The following ROBO1 variants were observed in gnomAD, a reference collection of about 807,000 sequenced individuals.
ROBO1 encodes the protein roundabout guidance receptor 1.
A neutral mutation model predicts 195.9 loss-of-function variants in ROBO1; 149 were observed. That is an observed-to-expected ratio of 0.76 (90% CI 0.67 to 0.87). The LOEUF (loss-of-function observed/expected upper bound fraction) is 0.87. Ranked by LOEUF, ROBO1 falls within the 40% of genes least tolerant of loss-of-function variation. The probability of loss-of-function intolerance (pLI) is 0.00; values close to 1 mark genes in which losing one functional copy is unlikely to be tolerated. For synonymous variants in ROBO1, 816 were observed against 733.2 expected (o/e 1.11, Z -1.82); for missense variants, 1,933 against 2,068.3 (o/e 0.93, Z 1.27).
chr3:79,675,557 G>A (rs1366015442), intron 1 of ROBO1, among the ~76,000 whole-genome samples: 1 of 152,026 alleles, frequency 6.6e-6, no homozygotes, highest in Admixed American at 6.6e-5. Context: ...CAGGTAGCTG[G>A]AGGGTAAAGA....
chr3:78,895,365 T>C (rs559605890), intron 4 of ROBO1, among the ~76,000 whole-genome samples: 3 of 152,324 alleles, frequency 2.0e-5, no homozygotes, highest in African/African-American at 4.8e-5. Flanking sequence ...GAGCAGGTTG[T>C]AATCAATTTT....
intron 1 of ROBO1, among the ~76,000 whole-genome samples, chr3:79,744,790 A>G (rs1703798449): frequency 6.6e-6 from 1 of 152,162 alleles, no homozygotes; most frequent in Non-Finnish European, 1.5e-5. Flanking sequence ...AATACTAACA[A>G]AGAGCCCCTT....
rs373728018 is a variant in ROBO1, at chr3:79,159,092, G to T, written c.89-33553C>A. ...GCATTATTGTGAAAGACAAAGTAGG[G>T]TATCTGCAAAAATACTTGATTTAGC... On this transcript the variant is annotated intron_variant, in intron 2 of 30. Transcript: ENST00000464233. Among the ~76,000 whole-genome samples, 17 of 152,006 alleles carry T rather than the reference G, an allele frequency of 1.1e-4. No homozygotes were observed. In the East Asian group the frequency reaches 2.1e-3, roughly 19 times the overall value.
Position 79,012,942 on chromosome 3 carries a change from T to C in ROBO1, c.173-74015A>G, listed in dbSNP as rs113356432. ...GAAAGGAAATCATGCTAATCAAGAA[T>C]TGTAAAGAATGGAGGTAGCCTTTTG... On this transcript the variant is annotated intron_variant, in intron 3 of 30. Coordinates refer to ENST00000464233, the MANE Select transcript of ROBO1 (RefSeq NM_002941.4). Among the ~76,000 whole-genome samples, 12 of 152,124 alleles carry C rather than the reference T, an allele frequency of 7.9e-5. 1 individual carries two copies. The highest frequency in any genetic ancestry group is 2.9e-4 in the African/African-American group (12 of 41,494).
intron 4 of ROBO1, among the ~76,000 whole-genome samples, chr3:78,827,993 TGAAA>T (rs1269968578): frequency 2.6e-5 from 4 of 152,222 alleles, no homozygotes; most frequent in African/African-American, 7.2e-5. Flanking sequence ...CAAATGATGC[TGAAA>T]GACTCAATTT....
intron 4 of ROBO1, among the ~76,000 whole-genome samples, chr3:78,883,637 G>A (rs2036317814): frequency 6.6e-6 from 1 of 152,092 alleles, no homozygotes; most frequent in Non-Finnish European, 1.5e-5. Flanking sequence ...TGAGATTATA[G>A]GCATGAGCTA....
chr3:78,943,227 A>T (rs959877524), intron 3 of ROBO1, among the ~76,000 whole-genome samples: 1 of 152,158 alleles, frequency 6.6e-6, no homozygotes, highest in Non-Finnish European at 1.5e-5. Context: ...AAAAAAACAA[A>T]GAAAGGTTTT....
At chr3:79,119,455 T>C (rs982093516) in intron 3 of ROBO1, among the ~76,000 whole-genome samples, 19 of 152,144 alleles carry the variant, frequency 1.2e-4, no homozygotes, top group Admixed American at 1.2e-3. Flanking sequence ...TCTGTCTCAT[T>C]TGCTTGCTTG....
intron 3 of ROBO1, among the ~76,000 whole-genome samples, chr3:79,051,668 C>T (rs138842831): frequency 1.0e-3 from 152 of 151,948 alleles, no homozygotes; most frequent in Middle Eastern, 3.4e-3. Context: ...TAAAATGTTG[C>T]GGGAAGTCAG....
chr3:79,722,408 C>T (rs754218990), intron 1 of ROBO1, among the ~76,000 whole-genome samples: 1 of 152,134 alleles, frequency 6.6e-6, no homozygotes, highest in African/African-American at 2.4e-5. Flanking sequence ...ATGCCTTGTA[C>T]CCAAAAAAAG....
chr3:79,552,597 T>C (rs1942563841), intron 2 of ROBO1, among the ~76,000 whole-genome samples: 1 of 152,144 alleles, frequency 6.6e-6, no homozygotes, highest in Non-Finnish European at 1.5e-5. Flanking sequence ...TATAACCATG[T>C]GGAAACACTT....
intron 1 of ROBO1, among the ~76,000 whole-genome samples, chr3:79,655,150 C>T (rs1946122932): frequency 6.6e-6 from 1 of 151,952 alleles, no homozygotes; most frequent in Admixed American, 6.6e-5. Context: ...TGAATAAGTA[C>T]ACTTTAACAC....
At chr3:78,635,618 CTT>C (rs1057270815) in intron 23 of ROBO1, among the ~76,000 whole-genome samples, 153 bp downstream of exon 23, 3 of 152,108 alleles carry the variant, frequency 2.0e-5, no homozygotes, top group Non-Finnish European at 2.9e-5. Context: ...CTAATTAACT[CTT>C]TGACACTGGA....
chr3:79,576,244 G>T (rs7431291), intron 2 of ROBO1, among the ~76,000 whole-genome samples: 91,362 of 151,628 alleles, frequency 0.6, 29,987 homozygotes, highest in African/African-American at 0.89. Flanking sequence ...GCCATGATGT[G>T]TTTTCTTTTA....
At position 78,668,287 on chromosome 3, in the gene ROBO1, A is replaced by T. The variant is rs1444608977; in HGVS notation, c.1646T>A (p.Val549Asp). 6.2e-7 allele frequency: 1 copy of T among 1,613,016 alleles called. No individual in the cohort carries two copies. Residue 549 changes from valine to aspartate, a missense_variant, in exon 13 of 31, where the codon GTT (valine) becomes GAT (aspartate). By Grantham distance (152) the Val-to-Asp change is radical (BLOSUM62 -3). Transcript: ENST00000464233. ...TGGGTCAGTAGGTCTTGGAGGCTGAACTGGAACTCCAAATTCTAAAAAGCA... is the reference window on the plus strand; with the variant it reads ...TGGGTCAGTAGGTCTTGGAGGCTGATCTGGAACTCCAAATTCTAAAAAGCA... ...YIEVQEFGVP[V>D]QPPRPTDPNL...
At chr3:79,283,416 C>T (rs2031658048) in intron 2 of ROBO1, among the ~76,000 whole-genome samples, 1 of 152,172 alleles carries the variant, frequency 6.6e-6, no homozygotes, top group South Asian at 2.1e-4. Flanking sequence ...TTCAATGGGT[C>T]TCAAGAATTT....
intron 2 of ROBO1, among the ~76,000 whole-genome samples, chr3:79,528,087 T>C (rs1941508606): frequency 9.6e-6 from 1 of 103,856 alleles, no homozygotes; most frequent in Admixed American, 9.2e-5. Context: ...TATATGGCTC[T>C]TTTCATCACC....
chr3:79,051,969 C>T (rs774567014), intron 3 of ROBO1, among the ~76,000 whole-genome samples: 12 of 152,122 alleles, frequency 7.9e-5, no homozygotes, highest in Admixed American at 5.2e-4. Flanking sequence ...ATTATCTGTA[C>T]AAATTGTTTG....
chr3:78,803,145 C>T (rs1455065508), intron 4 of ROBO1, among the ~76,000 whole-genome samples: 1 of 152,162 alleles, frequency 6.6e-6, no homozygotes, highest in Non-Finnish European at 1.5e-5. Context: ...TCCCACTTCA[C>T]TTACTGGCTG....
Sources: gnomAD v4.1 joint callset for allele counts (sites outside exome capture counted in the v4.1 genomes callset) on GRCh38, gnomAD v4.1.1 for gene constraint, MANE v1.5 for transcripts, NCBI Gene and HGNC (gene_info 2026-07-23, HGNC 2026-07-21) for gene names.